The following OPCML variants were observed in gnomAD, a reference collection of about 807,000 sequenced individuals.
OPCML encodes opioid-binding protein/cell adhesion molecule.
Under a neutral mutation model 37.8 loss-of-function variants are expected in OPCML, and 13 were observed. That is an observed-to-expected ratio of 0.34 (90% CI 0.22 to 0.55). OPCML has a LOEUF of 0.55. Ranked by LOEUF, OPCML falls within the 20% of genes least tolerant of loss-of-function variation. The pLI is 0.91. For missense variants in OPCML, 341 were observed against 435.6 expected, an observed-to-expected ratio of 0.78 and a Z score of 1.93; for synonymous variants, 176 against 168.8, an observed-to-expected ratio of 1.04 and a Z score of -0.33.
At chr11:133,165,395 G>A (rs1950196062) in intron 1 of OPCML, among the ~76,000 whole-genome samples, 1 of 152,086 alleles carries the variant, frequency 6.6e-6, no homozygotes, top group Non-Finnish European at 1.5e-5. Context: ...GGCTGCAGCA[G>A]GAGCCTCCTG....
At chr11:133,279,069 C>T (rs187215883) in intron 1 of OPCML, among the ~76,000 whole-genome samples, 87 of 152,306 alleles carry the variant, frequency 5.7e-4, no homozygotes, top group African/African-American at 2.0e-3. Flanking sequence ...TTCTCCAGAC[C>T]TTGCCACTAG....
At chr11:132,988,341 A>C (rs1312678876) in intron 1 of OPCML, among the ~76,000 whole-genome samples, 1 of 152,162 alleles carries the variant, frequency 6.6e-6, no homozygotes, top group Admixed American at 6.5e-5. Flanking sequence ...GCTCCATTGA[A>C]TTGTGAGACT....
intron 1 of OPCML, among the ~76,000 whole-genome samples, chr11:133,392,627 G>A (rs554563715): frequency 1.3e-5 from 2 of 152,332 alleles, no homozygotes; most frequent in African/African-American, 4.8e-5. Flanking sequence ...AGCTCATTCT[G>A]AGGCTTGTGA....
At chr11:132,741,988 C>A (rs186592183) in intron 2 of OPCML, among the ~76,000 whole-genome samples, 1 of 151,204 alleles carries the variant, frequency 6.6e-6, no homozygotes, top group Non-Finnish European at 1.5e-5. Flanking sequence ...AAGATTGCAC[C>A]GTTGTACTCC....
At chr11:132,428,342 G>T (rs1007221963) in intron 7 of OPCML, among the ~76,000 whole-genome samples, 2 of 152,202 alleles carry the variant, frequency 1.3e-5, no homozygotes, top group African/African-American at 2.4e-5. Flanking sequence ...GCCCTCATTG[G>T]CTGGAAGATA....
intron 1 of OPCML, among the ~76,000 whole-genome samples, chr11:133,256,788 A>G (rs1052633728): frequency 1.3e-5 from 2 of 152,234 alleles, no homozygotes; most frequent in African/African-American, 2.4e-5. Context: ...AATACAGTTA[A>G]AAGTGTGCAG....
intron 2 of OPCML, among the ~76,000 whole-genome samples, chr11:132,792,878 G>A (rs1169743244): frequency 2.0e-5 from 3 of 152,196 alleles, no homozygotes; most frequent in Non-Finnish European, 2.9e-5. Flanking sequence ...AGCAGCGCCC[G>A]TGTCTGTCTA....
intron 1 of OPCML, among the ~76,000 whole-genome samples, chr11:132,956,692 G>A (rs73026234): frequency 0.12 from 17,739 of 151,996 alleles, 1,370 homozygotes; most frequent in Non-Finnish European, 0.17. Context: ...GCCTCTTTTC[G>A]TCCACTAATG....
At chr11:132,837,188 C>A (rs1941058537) in intron 2 of OPCML, among the ~76,000 whole-genome samples, 1 of 152,032 alleles carries the variant, frequency 6.6e-6, no homozygotes, top group African/African-American at 2.4e-5. Flanking sequence ...GTGGTGCATG[C>A]CTGTAATTAC....
chr11:132,975,207 A>G (rs1428007791), intron 1 of OPCML, among the ~76,000 whole-genome samples: 2 of 151,996 alleles, frequency 1.3e-5, no homozygotes, highest in Non-Finnish European at 2.9e-5. Flanking sequence ...AAGAAAATAT[A>G]ACAAATATAA....
Position 132,922,921 on chromosome 11 carries a change from G to GT in OPCML, c.146+20004dup, listed in dbSNP as rs1159613317. 1.2e-3 allele frequency among the ~76,000 whole-genome samples: 179 copies of GT among 150,044 alleles called. 2 individuals carry two copies. The highest frequency in any genetic ancestry group is 3.9e-3 in the African/African-American group (159 of 40,868). On this transcript the variant is annotated intron_variant, in intron 2 of 7. Transcript: ENST00000524381. ...ACATCTCTACACGTTTTTGTTTTTTGTTTTTTTTTAAATTAGCCAGGTGTG... is the reference window on the plus strand; with the variant it reads ...ACATCTCTACACGTTTTTGTTTTTTGTTTTTTTTTTAAATTAGCCAGGTGTG...
At chr11:132,933,010 T>C (rs1366583847) in intron 2 of OPCML, among the ~76,000 whole-genome samples, 1 of 152,158 alleles carries the variant, frequency 6.6e-6, no homozygotes. Flanking sequence ...GAGGTTATAC[T>C]TTATCTTACA....
intron 1 of OPCML, among the ~76,000 whole-genome samples, chr11:132,956,871 C>A (rs1221260947): frequency 6.6e-6 from 1 of 152,180 alleles, no homozygotes; most frequent in Non-Finnish European, 1.5e-5. Context: ...TGGCTCACAG[C>A]TATAATCCCA....
intron 1 of OPCML, among the ~76,000 whole-genome samples, chr11:133,084,141 G>C (rs1416711988): frequency 6.6e-6 from 1 of 152,050 alleles, no homozygotes; most frequent in African/African-American, 2.4e-5. Context: ...TGTAGGGCAG[G>C]CCTTATTGGT....
intron 2 of OPCML, among the ~76,000 whole-genome samples, chr11:132,728,808 A>G (rs1248737347): frequency 1.3e-5 from 2 of 152,246 alleles, no homozygotes; most frequent in African/African-American, 4.8e-5. Context: ...TGTGGAAACA[A>G]GGAAACAAAC....
At chr11:133,277,301 G>A (rs1367223197) in intron 1 of OPCML, among the ~76,000 whole-genome samples, 15 of 152,076 alleles carry the variant, frequency 9.9e-5, no homozygotes, top group Middle Eastern at 3.4e-3. Context: ...TTTGGTTTTC[G>A]GGGAAGAAAG....
At chr11:133,207,004 A>G (rs1227167997) in intron 1 of OPCML, among the ~76,000 whole-genome samples, 1 of 151,878 alleles carries the variant, frequency 6.6e-6, no homozygotes. Context: ...TCTCCTTCTA[A>G]GAGCCGGGCG....
intron 2 of OPCML, among the ~76,000 whole-genome samples, chr11:132,777,676 A>C (rs1946853017): frequency 6.6e-6 from 1 of 152,214 alleles, no homozygotes; most frequent in African/African-American, 2.4e-5. Flanking sequence ...TAAATCGGCC[A>C]CTTAATCTTG....
intron 2 of OPCML, among the ~76,000 whole-genome samples, chr11:132,891,835 T>G (rs1943660594): frequency 6.6e-6 from 1 of 152,240 alleles, no homozygotes; most frequent in Admixed American, 6.5e-5. Flanking sequence ...AACGTCCAGA[T>G]TTTTCAATTT....
Sources: allele counts gnomAD v4.1 joint callset (sites outside exome capture counted in the v4.1 genomes callset), GRCh38; gene constraint gnomAD v4.1.1; transcripts MANE v1.5; gene names NCBI Gene and HGNC (gene_info 2026-07-23, HGNC 2026-07-21).